RICTOR: variants seen among roughly 807,000 people sequenced by gnomAD.
RICTOR encodes the protein rapamycin-insensitive companion of mTOR.
RICTOR carries 49 observed loss-of-function variants against 214.9 expected under a neutral mutation model. The observed-to-expected ratio is 0.23, with a 90% CI of 0.18 to 0.29. The LOEUF is 0.29. Ranked by LOEUF, RICTOR falls within the 10% of genes least tolerant of loss-of-function variation. RICTOR has a pLI of 1.00. For synonymous variants in RICTOR, 717 were observed against 711.3 expected, an observed-to-expected ratio of 1.01 and a Z score of -0.13; for missense variants, 1,625 against 2,047.0, an observed-to-expected ratio of 0.79 and a Z score of 3.98.
chr5:38,993,870 C>A (rs924065316), intron 6 of RICTOR, among the ~76,000 whole-genome samples: 1 of 152,090 alleles, frequency 6.6e-6, no homozygotes, highest in Admixed American at 6.5e-5. Context: ...TTGTTTCATG[C>A]ACAAAATTCT....
At chr5:38,986,618 T>C (rs2150070491) in intron 7 of RICTOR, among the ~76,000 whole-genome samples, 1 of 152,314 alleles carries the variant, frequency 6.6e-6, no homozygotes, top group East Asian at 1.9e-4. Context: ...AAAGAATTCA[T>C]GCATTAAAGG....
intron 15 of RICTOR, among the ~76,000 whole-genome samples, chr5:38,965,765 C>T (rs1750163062): frequency 6.6e-6 from 1 of 151,980 alleles, no homozygotes; most frequent in Non-Finnish European, 1.5e-5. Flanking sequence ...CTTTACCTCA[C>T]TCACATAGCC....
chr5:38,947,738 A>G (rs570278458), intron 31 of RICTOR, among the ~76,000 whole-genome samples: 1 of 152,278 alleles, frequency 6.6e-6, no homozygotes, highest in East Asian at 1.9e-4. Flanking sequence ...GTAAAAAAAG[A>G]AACTGACCTC....
intron 25 of RICTOR, among the ~76,000 whole-genome samples, chr5:38,956,567 C>T (rs960699368): frequency 2.0e-4 from 31 of 152,166 alleles, no homozygotes; most frequent in African/African-American, 7.5e-4. Flanking sequence ...CTACTTACTC[C>T]TCAAGACCAT....
chr5:39,052,076 AT>A (rs1214565551), intron 2 of RICTOR, among the ~76,000 whole-genome samples: 3 of 152,056 alleles, frequency 2.0e-5, no homozygotes, highest in African/African-American at 7.2e-5. Context: ...CAGCCACATG[AT>A]TGCAAGGGTA....
At chr5:39,045,421 T>C (rs1236526115) in intron 2 of RICTOR, among the ~76,000 whole-genome samples, 3 of 152,166 alleles carry the variant, frequency 2.0e-5, no homozygotes, top group East Asian at 1.9e-4. Flanking sequence ...AAAGCAATTA[T>C]TAAACATTAC....
chr5:38,947,643 G>C (rs1301993174), intron 31 of RICTOR, among the ~76,000 whole-genome samples: 3 of 152,072 alleles, frequency 2.0e-5, no homozygotes, highest in Non-Finnish European at 2.9e-5. Flanking sequence ...CACCAGTAAT[G>C]TTGACTGTTA....
intron 31 of RICTOR, among the ~76,000 whole-genome samples, chr5:38,948,491 T>C (rs547106792): frequency 6.6e-6 from 1 of 152,076 alleles, no homozygotes; most frequent in African/African-American, 2.4e-5. Context: ...TCAACCAGTA[T>C]AGGTCCCTTT....
In RICTOR at chr5:39,045,644, T is replaced by C. The variant is rs560368893; in HGVS notation, c.98-24508A>G. ...CTAAAGGCTGAGACATTAATTTTTA[T>C]ATATAGATATCCAGTCTATTAGAAT... is the stretch of plus-strand genomic sequence containing the variant. On this transcript the variant is annotated intron_variant, in intron 2 of 37. Transcript: ENST00000357387. 2.0e-5 allele frequency among the ~76,000 whole-genome samples: 3 copies of C among 152,214 alleles called. No individual in the cohort carries two copies. The South Asian group carries it at 6.2e-4, about 32-fold the overall frequency.
chr5:38,994,419 T>TAA (rs869254811), intron 6 of RICTOR, among the ~76,000 whole-genome samples: 3 of 57,144 alleles, frequency 5.2e-5, no homozygotes, highest in South Asian at 7.8e-4. Flanking sequence ...AAGGTTTTAC[T>TAA]AAAAAAAAAA....
chr5:39,036,676 G>C (rs1430710360), intron 2 of RICTOR, among the ~76,000 whole-genome samples: 1 of 152,112 alleles, frequency 6.6e-6, no homozygotes, highest in East Asian at 1.9e-4. Context: ...CCTAGTCTCT[G>C]ATAAAACAGA....
At position 38,940,512 on chromosome 5, in the gene RICTOR, T is replaced by C. The variant is rs1747445344; in HGVS notation, c.*1792A>G. ...ACAGGCAACGTTCTTAGAAGTACTG[T>C]TGACATTTAAATAAACACTTGGGTT... On this transcript the variant is annotated 3_prime_UTR_variant, in exon 38 of 38. Coordinates refer to ENST00000357387, the MANE Select transcript of RICTOR (RefSeq NM_152756.5). 4.3e-6 allele frequency: 1 copy of C among 232,692 alleles called. No homozygotes were observed. The highest frequency in any genetic ancestry group is 2.2e-5 in the African/African-American group (1 of 45,316). The allele number at this position is 232,692 out of a possible 1,614,324, so 14.4% of individuals were successfully genotyped here. A position where few individuals can be genotyped will look rare whatever the true frequency, so the allele number is the denominator to read the frequency against.
intron 16 of RICTOR, among the ~76,000 whole-genome samples, chr5:38,963,891 G>C (rs1351685105): frequency 3.3e-5 from 5 of 151,842 alleles, no homozygotes; most frequent in Admixed American, 2.6e-4. Flanking sequence ...ACAGAACTGA[G>C]ATAACTCCTA....
At chr5:39,003,371 A>G (rs1170926853) in intron 4 of RICTOR, among the ~76,000 whole-genome samples, 187 bp downstream of exon 4, 2 of 152,228 alleles carry the variant, frequency 1.3e-5, no homozygotes, top group Non-Finnish European at 2.9e-5. Flanking sequence ...TTTAGTAATT[A>G]GAAAATATCA....
intron 2 of RICTOR, among the ~76,000 whole-genome samples, chr5:39,035,634 G>A (rs1021253379): frequency 2.0e-5 from 3 of 152,348 alleles, no homozygotes; most frequent in East Asian, 1.9e-4. Context: ...TAAAGGACCC[G>A]ATGGAGCTGA....
intron 3 of RICTOR, among the ~76,000 whole-genome samples, chr5:39,007,338 A>G (rs762613717): frequency 2.6e-5 from 4 of 151,988 alleles, no homozygotes; most frequent in Non-Finnish European, 5.9e-5. Flanking sequence ...TCCTATGTGT[A>G]TGTCTGTCTC....
chr5:38,949,602 T>C (rs1400057374), intron 31 of RICTOR, 110 bp downstream of exon 31: 4 of 1,094,434 alleles, frequency 3.7e-6, no homozygotes, highest in East Asian at 4.8e-5. Flanking sequence ...TAAACAATTA[T>C]AATAGGTCAG....
At chr5:38,977,620 CAG>C (rs1751351488) in intron 9 of RICTOR, among the ~76,000 whole-genome samples, 1 of 104,260 alleles carries the variant, frequency 9.6e-6, no homozygotes, top group Non-Finnish European at 1.8e-5. Flanking sequence ...TTTTTTGAGA[CAG>C]AGTGTCGCTC....
rs762177427 is a variant in RICTOR at position 38,962,932 on chromosome 5, T to C, written c.1510A>G (p.Thr504Ala). 2.7e-5 allele frequency: 43 copies of C among 1,612,786 alleles called. No homozygotes were observed. The highest frequency in any genetic ancestry group is 1.7e-5 in the Non-Finnish European group (20 of 1,179,014). ...LDHIIQKAIA[T>A]HQKRDQYLRV... ...AGATACTGATCCCGTTTCTGGTGTG[T>C]TGCAATTGCTTTCTGAATAATGTGG... The change falls in exon 17 of 38, where the codon ACA becomes GCA. Residue 504 changes from threonine to alanine, a missense_variant. Physicochemically the swap from Thr to Ala is moderately conservative, Grantham distance 58 (BLOSUM62 0). Transcript: ENST00000357387.
Sources: gnomAD v4.1 joint callset for allele counts (sites outside exome capture counted in the v4.1 genomes callset) on GRCh38, gnomAD v4.1.1 for gene constraint, MANE v1.5 for transcripts, NCBI Gene and HGNC (gene_info 2026-07-23, HGNC 2026-07-21) for gene names.